RYR3: variants seen among roughly 807,000 people sequenced by gnomAD.
RYR3 encodes brain ryanodine receptor-calcium release channel.
A neutral mutation model predicts 584.3 loss-of-function variants in RYR3; 207 were observed. The ratio of observed to expected loss-of-function variants is 0.35; its 90% CI spans 0.32 to 0.40. The LOEUF (loss-of-function observed/expected upper bound fraction) is 0.40. Among genes scored for constraint, RYR3 ranks in the 10% least tolerant of loss-of-function variants. The pLI, the probability that RYR3 is intolerant of heterozygous loss-of-function variation, is 1.00. For synonymous variants in RYR3, 2,416 were observed against 2,248.5 expected (o/e 1.07, Z -2.11); for missense variants, 5,616 against 6,089.2 (o/e 0.92, Z 2.59).
At chr15:33,595,318 CAATT>C (rs1267657286) in intron 16 of RYR3, among the ~76,000 whole-genome samples, 1 of 152,122 alleles carries the variant, frequency 6.6e-6, no homozygotes, top group Admixed American at 6.6e-5. Flanking sequence ...CTTTTATAAA[CAATT>C]TATAAAATTT....
In RYR3 at chr15:33,843,536, G is replaced by A. The variant is rs2078517547; in HGVS notation, c.13258G>A (p.Val4420Ile). The change falls in exon 92 of 104, where the codon GTA (valine) becomes ATA (isoleucine). Residue 4420 changes from valine (V) to isoleucine (I), a missense_variant. By Grantham distance (29) the Val-to-Ile change is conservative. Around this residue, in one of 9 missense-constraint regions of RYR3, gnomAD observed 918 missense variants for 887.4 expected, o/e 1.03. Transcript: ENST00000634891. Reference protein sequence around the residue: ...FYNLRFLALFVAFAINFILLF... With the variant: ...FYNLRFLALFIAFAINFILLF... ...CAACCTGAGGTTCCTTGCTCTGTTT[G>A]TAGCCTTCGCTATCAACTTCATCCT... 4 of 1,602,450 alleles carry A rather than the reference G, an allele frequency of 2.5e-6. No homozygotes were observed. Among genetic ancestry groups the A allele is most frequent in the Non-Finnish European group, 3.4e-6 (4 of 1,174,078 alleles).
intron 1 of RYR3, among the ~76,000 whole-genome samples, chr15:33,457,424 G>T (rs983084687): frequency 6.6e-5 from 10 of 152,182 alleles, no homozygotes; most frequent in African/African-American, 2.2e-4. Context: ...AAAGAATAAA[G>T]TCCTGTCATT....
At chr15:33,820,880 G>A in intron 78 of RYR3, 68 bp downstream of exon 78, 3 of 1,044,682 alleles carry the variant, frequency 2.9e-6, no homozygotes, top group Non-Finnish European at 2.6e-6. Flanking sequence ...TTCAGAGGTG[G>A]GTGCTGACAT....
chr15:33,365,618 A>G (rs1319595877), intron 1 of RYR3, among the ~76,000 whole-genome samples: 1 of 152,260 alleles, frequency 6.6e-6, no homozygotes, highest in African/African-American at 2.4e-5. Context: ...TCTACTATAC[A>G]GCACAGCACC....
At chr15:33,569,960 C>T (rs1049859916) in intron 12 of RYR3, among the ~76,000 whole-genome samples, 6 of 151,960 alleles carry the variant, frequency 3.9e-5, no homozygotes, top group African/African-American at 1.4e-4. Context: ...TTTGAGAGTT[C>T]TTTGTACCTT....
chr15:33,508,774 A>T (rs370825612), intron 3 of RYR3, among the ~76,000 whole-genome samples: 2 of 152,186 alleles, frequency 1.3e-5, no homozygotes, highest in East Asian at 1.9e-4. Flanking sequence ...TACTTGTGTG[A>T]TTTGATAGTC....
At position 33,566,716 on chromosome 15, in the gene RYR3, A is replaced by G. The variant is rs2057735553; in HGVS notation, c.1185A>G (p.Leu395=). ...AGGAAGGCCACATGGATGATGGATT[A>G]ACACTGCAGAGATGCCAGCGTGAGG... The part of the protein sequence containing the change: ...LHQEGHMDDG[L]TLQRCQREES... Residue 395 remains leucine, a synonymous_variant, in exon 12 of 104, where the codon TTA becomes TTG. Coordinates refer to ENST00000634891, the MANE Select transcript of RYR3 (RefSeq NM_001036.6). 2 of 1,613,652 alleles carry G rather than the reference A, an allele frequency of 1.2e-6. No individual in the cohort carries two copies. The highest frequency in any genetic ancestry group is 2.7e-5 in the African/African-American group (2 of 74,910).
rs1220563179 is a variant in RYR3, at chr15:33,706,252, CTT to C, written c.6484-666_6484-665del. On this transcript the variant is annotated intron_variant, in intron 42 of 103. Coordinates refer to ENST00000634891, the MANE Select transcript of RYR3 (RefSeq NM_001036.6). Reference sequence around the variant, plus strand: ...ATACACAAAATATATAATTTACTATCTTGATCATTTTTAACTGTATGTGTAGT... The same window carrying C: ...ATACACAAAATATATAATTTACTATCGATCATTTTTAACTGTATGTGTAGT... Among the ~76,000 whole-genome samples the C allele has an allele frequency of 2.6e-5, 4 of 152,062 alleles. No individual in the cohort carries two copies. In the South Asian group the frequency reaches 6.2e-4, roughly 24 times the overall value.
chr15:33,718,483 G>A (rs1423361344), intron 43 of RYR3, among the ~76,000 whole-genome samples: 1 of 152,196 alleles, frequency 6.6e-6, no homozygotes, highest in African/African-American at 2.4e-5. Context: ...GGGAAAGCAG[G>A]CACAAAGGAA....
chr15:33,472,360 A>T (rs1451716201), intron 1 of RYR3, among the ~76,000 whole-genome samples: 3 of 152,194 alleles, frequency 2.0e-5, no homozygotes, highest in Non-Finnish European at 2.9e-5. Context: ...TTTAAGAAAA[A>T]TGATTTCTAC....
intron 3 of RYR3, among the ~76,000 whole-genome samples, chr15:33,510,240 A>T (rs770268485): frequency 2.6e-5 from 4 of 152,306 alleles, no homozygotes; most frequent in Non-Finnish European, 4.4e-5. Flanking sequence ...TGGAAATTTA[A>T]CTTCAAGCAA....
At chr15:33,539,758 G>A (rs1043455135) in intron 6 of RYR3, among the ~76,000 whole-genome samples, 4 of 151,758 alleles carry the variant, frequency 2.6e-5, no homozygotes, top group Admixed American at 2.0e-4. Context: ...TATGATATAT[G>A]TATTATATAT....
chr15:33,739,770 G>A, intron 50 of RYR3, 62 bp from the exon 51 acceptor site: 1 of 1,382,698 alleles, frequency 7.2e-7, no homozygotes, highest in Admixed American at 2.1e-5. Flanking sequence ...ATTGGTGATT[G>A]GTTCTGTCTA....
intron 1 of RYR3, among the ~76,000 whole-genome samples, chr15:33,331,238 T>C (rs1970343933): frequency 6.6e-6 from 1 of 152,210 alleles, no homozygotes; most frequent in Admixed American, 6.5e-5. Context: ...GAGTTCATTC[T>C]CTTCCAAATA....
At chr15:33,706,373 C>G (rs746433538) in intron 42 of RYR3, among the ~76,000 whole-genome samples, 6 of 152,206 alleles carry the variant, frequency 3.9e-5, no homozygotes, top group Non-Finnish European at 8.8e-5. Flanking sequence ...ACCCACTTAA[C>G]AATAACTTTC....
At chr15:33,422,285 A>C (rs982047131) in intron 1 of RYR3, among the ~76,000 whole-genome samples, 10 of 152,170 alleles carry the variant, frequency 6.6e-5, no homozygotes, top group Non-Finnish European at 1.3e-4. Flanking sequence ...GCAGTGAGTG[A>C]CTTCATCTTA....
intron 64 of RYR3, among the ~76,000 whole-genome samples, chr15:33,774,147 G>C (rs538713767): frequency 6.6e-6 from 1 of 152,200 alleles, no homozygotes; most frequent in Non-Finnish European, 1.5e-5. Flanking sequence ...CTGCAGAAGC[G>C]TGTGGGTTCC....
intron 102 of RYR3, among the ~76,000 whole-genome samples, chr15:33,863,454 C>T (rs1477053187): frequency 6.6e-6 from 1 of 152,148 alleles, no homozygotes; most frequent in Non-Finnish European, 1.5e-5. Flanking sequence ...TCTACTTTCT[C>T]ATATCACCAA....
chr15:33,758,054 C>A (rs1466880881), intron 60 of RYR3, among the ~76,000 whole-genome samples: 5 of 152,276 alleles, frequency 3.3e-5, no homozygotes, highest in South Asian at 2.1e-4. Context: ...GGAACTCCCT[C>A]CCCTAGCCAA....
Sources: allele counts gnomAD v4.1 joint callset (sites outside exome capture counted in the v4.1 genomes callset), GRCh38; gene constraint gnomAD v4.1.1; regional missense constraint gnomAD v4.1.1; transcripts MANE v1.5; gene names NCBI Gene and HGNC (gene_info 2026-07-23, HGNC 2026-07-21).